Variants in SPG11 observed in about 807,000 individuals in gnomAD.
SPG11 encodes SPG11 vesicle trafficking associated, spatacsin.
In SPG11, 222 loss-of-function variants were observed where a neutral mutation model predicts 274.0. The ratio of observed to expected loss-of-function variants is 0.81; its 90% CI spans 0.73 to 0.91. The LOEUF (loss-of-function observed/expected upper bound fraction) is 0.91, where lower values mean the gene tolerates loss of function less well. Ranked by LOEUF, SPG11 falls within the 40% of genes least tolerant of loss-of-function variation. The probability of loss-of-function intolerance (pLI) is 0.00; values close to 1 mark genes in which losing one functional copy is unlikely to be tolerated. For missense variants in SPG11, 3,114 were observed against 2,872.7 expected (o/e 1.08, Z -1.92); for synonymous variants, 1,144 against 1,039.7 (o/e 1.10, Z -1.93).
chr15:44,598,660 G>C lies in SPG11; in HGVS notation c.3863C>G (p.Ala1288Gly). Residue 1288 changes from alanine (A) to glycine (G), a missense_variant, in exon 22 of 40, where the codon GCT becomes GGT. Coordinates refer to ENST00000261866, the MANE Select transcript of SPG11 (RefSeq NM_025137.4). ...ILSYKCRNED[A>G]QYSFIRESVA... ...AGACTCTCTGATAAAGCTGTACTGA[G>C]CATCTTCATTTCTGCACTTGTAGCT... is the stretch of plus-strand genomic sequence containing the variant. 1 of 1,614,216 alleles carries C rather than the reference G, an allele frequency of 6.2e-7. No individual in the cohort carries two copies. Among genetic ancestry groups the C allele is most frequent in the Non-Finnish European group, 8.5e-7 (1 of 1,180,030 alleles).
intron 27 of SPG11, chr15:44,590,495 CG>C (rs2082876249): frequency 6.6e-6 from 1 of 151,812 alleles, no homozygotes; most frequent in African/African-American, 2.4e-5. Flanking sequence ...CCAGGCTGGT[CG>C]AACTCCTGGC....
At chr15:44,630,799 CG>C (rs2084039631) in intron 8 of SPG11, among the ~76,000 whole-genome samples, 1 of 152,080 alleles carries the variant, frequency 6.6e-6, no homozygotes, top group South Asian at 2.1e-4. Flanking sequence ...AGGCTGATCT[CG>C]AACTCTTGAC....
chr15:44,565,513 G>A lies in SPG11; in HGVS notation c.6999+341C>T, dbSNP rs538961483. ...GGTGTGCAGGCAGTAATGCTTGCTT[G>A]CCCAGTGCTCACTTGCTGTGCGGCC... On this transcript the variant is annotated intron_variant, in intron 38 of 39. Transcript: ENST00000261866. 3.3e-5 allele frequency among the ~76,000 whole-genome samples: 5 copies of A among 152,264 alleles called. No homozygotes were observed. The East Asian group carries it at 7.7e-4, about 23-fold the overall frequency.
chr15:44,658,984 T>C lies in SPG11; in HGVS notation c.667+95A>G, dbSNP rs535999595. 701 of 1,177,502 alleles carry C rather than the reference T, an allele frequency of 6.0e-4. 1 individual carries two copies. The highest frequency in any genetic ancestry group is 7.7e-4 in the Middle Eastern group (4 of 5,180). The allele number at this position is 1,177,502 out of a possible 1,614,324, so 72.9% of individuals were successfully genotyped here. A position where few individuals can be genotyped will look rare whatever the true frequency, so the allele number is the denominator to read the frequency against. ...ACTGAAAAACTAACCACACTTCCTA[T>C]ATCCCAGCTCCCAAAACTAAAGCCT... On this transcript the variant is annotated intron_variant, in intron 3 of 39. Coordinates refer to ENST00000261866, the MANE Select transcript of SPG11 (RefSeq NM_025137.4).
chr15:44,615,194 G>A lies in SPG11; in HGVS notation c.3038+169C>T, dbSNP rs560956458. Among the ~76,000 whole-genome samples, 4 of 152,294 alleles carry A rather than the reference G, an allele frequency of 2.6e-5. No individual in the cohort carries two copies. In the East Asian group the frequency reaches 7.7e-4, roughly 29 times the overall value. On this transcript the variant is annotated intron_variant, in intron 16 of 39. Coordinates refer to ENST00000261866, the MANE Select transcript of SPG11 (RefSeq NM_025137.4). Reference sequence around the variant, plus strand: ...ACACATAAGCATTTTGCTGAATGTAGTACTGAACTCAAAGATGTACCAACT... The same window carrying A: ...ACACATAAGCATTTTGCTGAATGTAATACTGAACTCAAAGATGTACCAACT...
intron 11 of SPG11, among the ~76,000 whole-genome samples, chr15:44,625,817 T>G (rs555972955): frequency 6.6e-6 from 1 of 152,152 alleles, no homozygotes; most frequent in East Asian, 1.9e-4. Context: ...GTAGATGGGA[T>G]TACAGGCGCC....
chr15:44,591,138 C>T (rs1487623313), intron 27 of SPG11, among the ~76,000 whole-genome samples: 6 of 152,310 alleles, frequency 3.9e-5, no homozygotes, highest in African/African-American at 1.2e-4. Context: ...GACTTACCTA[C>T]TCTAAGTAAA....
chr15:44,659,428 G>T, intron 2 of SPG11, 125 bp from the exon 3 acceptor site: 1 of 843,968 alleles, frequency 1.2e-6, no homozygotes, highest in Non-Finnish European at 1.9e-6. Context: ...CTAACTTTAC[G>T]CAGTTATCGT....
intron 31 of SPG11, 148 bp from the exon 32 acceptor site, chr15:44,573,893 T>C (rs950148242): frequency 1.4e-6 from 1 of 728,476 alleles, no homozygotes; most frequent in African/African-American, 1.8e-5. Context: ...AAAAAGCAAG[T>C]ACTGTTTTCT....
chr15:44,622,327 T>G lies in SPG11; in HGVS notation c.2337A>C (p.Lys779Asn). 1 of 1,563,256 alleles carries G rather than the reference T, an allele frequency of 6.4e-7. No homozygotes were observed. The change falls in exon 13 of 40, where the codon AAA (lysine) becomes AAC (asparagine). Residue 779 changes from lysine to asparagine, a missense_variant. Physicochemically the swap from Lys to Asn is moderately conservative, Grantham distance 94. Transcript: ENST00000261866. ...TTTTCTCTTTTTCAGAAAAATAATTTTTTTCTTTTAAAATTTCAACCTTGA... is the reference window on the plus strand; with the variant it reads ...TTTTCTCTTTTTCAGAAAAATAATTGTTTTCTTTTAAAATTTCAACCTTGA... ...RDFLVEILKEKNYFSEKEKRT... is the reference protein window; with the variant it reads ...RDFLVEILKENNYFSEKEKRT...
chr15:44,569,780 G>A (rs557206975), intron 34 of SPG11, among the ~76,000 whole-genome samples: 4 of 150,110 alleles, frequency 2.7e-5, no homozygotes, highest in Non-Finnish European at 5.9e-5. Context: ...GTAGTGGCAC[G>A]ACCTCGGCTC....
chr15:44,598,123 T>TGG, intron 23 of SPG11, 142 bp downstream of exon 23: 1 of 665,132 alleles, frequency 1.5e-6, no homozygotes, highest in Non-Finnish European at 2.7e-6. Flanking sequence ...TTACTGAGTA[T>TGG]CTGCTACATG....
chr15:44,620,542 T>C (rs1285266111), intron 14 of SPG11, 139 bp from the exon 15 acceptor site: 4 of 719,440 alleles, frequency 5.6e-6, no homozygotes, highest in Non-Finnish European at 8.9e-6. Context: ...TCCTCTGTTT[T>C]ACTATTTTCC....
At chr15:44,589,139 G>A in intron 28 of SPG11, 113 bp downstream of exon 28, 1 of 1,079,742 alleles carries the variant, frequency 9.3e-7, no homozygotes, top group South Asian at 1.3e-5. Flanking sequence ...CCCAGTTGTA[G>A]ACTGTAAGTT....
chr15:44,600,700 G>C, intron 20 of SPG11, 68 bp from the exon 21 acceptor site: 4 of 1,511,126 alleles, frequency 2.6e-6, no homozygotes, highest in Non-Finnish European at 3.7e-6. Context: ...TTTGCACATG[G>C]AACTCTCTAA....
Position 44,574,823 on chromosome 15 carries a change from T to G in SPG11, c.6006+79A>C, listed in dbSNP as rs1595830062. ...CATGATTATCATCTAAAAGGCTGAC[T>G]TGGCAATGTCCAAAATCAACCTCAA... is the stretch of plus-strand genomic sequence containing the variant. On this transcript the variant is annotated intron_variant, in intron 31 of 39. Transcript: ENST00000261866. The G allele has an allele frequency of 1.5e-5, 24 of 1,554,628 alleles. No individual in the cohort carries two copies. In the East Asian group the frequency reaches 4.7e-4, roughly 31 times the overall value.
At chr15:44,578,024 T>TC (rs1567134700) in intron 30 of SPG11, among the ~76,000 whole-genome samples, 2 of 142,244 alleles carry the variant, frequency 1.4e-5, no homozygotes, top group African/African-American at 5.2e-5. Context: ...CTTTCCTTTT[T>TC]TTTTTTTTTT....
intron 39 of SPG11, among the ~76,000 whole-genome samples, chr15:44,563,792 T>G (rs1383036981): frequency 6.6e-6 from 1 of 152,140 alleles, no homozygotes; most frequent in African/African-American, 2.4e-5. Flanking sequence ...GTGCCCACCT[T>G]AGGATACTGT....
At chr15:44,600,757 T>C (rs2083165112) in intron 20 of SPG11, 125 bp from the exon 21 acceptor site, 3 of 997,250 alleles carry the variant, frequency 3.0e-6, no homozygotes, top group South Asian at 2.8e-5. Flanking sequence ...ACGTATCACT[T>C]TGAATCTACC....
Sources: allele counts gnomAD v4.1 joint callset (sites outside exome capture counted in the v4.1 genomes callset), GRCh38; gene constraint gnomAD v4.1.1; transcripts MANE v1.5; gene names NCBI Gene and HGNC (gene_info 2026-07-23, HGNC 2026-07-21).